RBFOX1: variants seen among roughly 807,000 people sequenced by gnomAD.
The protein encoded by RBFOX1 is RNA binding fox-1 homolog 1.
A neutral mutation model predicts 57.7 loss-of-function variants in RBFOX1; 8 were observed. That is an observed-to-expected ratio of 0.14 (90% CI 0.08 to 0.25). The LOEUF (loss-of-function observed/expected upper bound fraction) is 0.25. RBFOX1 is among the 10% of genes least tolerant of loss of function. The pLI, the probability that RBFOX1 is intolerant of heterozygous loss-of-function variation, is 1.00. For missense variants in RBFOX1, 611 were observed against 548.5 expected (o/e 1.11, Z -1.14); for synonymous variants, 326 against 222.4 (o/e 1.47, Z -4.15).
At chr16:6,702,771 A>G (rs1179591993) in intron 3 of RBFOX1, among the ~76,000 whole-genome samples, 1 of 152,224 alleles carries the variant, frequency 6.6e-6, no homozygotes, top group Non-Finnish European at 1.5e-5. Flanking sequence ...GGTAAAATAG[A>G]CATAACATAA....
intron 4 of RBFOX1, among the ~76,000 whole-genome samples, chr16:5,871,482 C>A (rs2057469343): frequency 6.6e-6 from 1 of 152,138 alleles, no homozygotes; most frequent in Admixed American, 6.5e-5. Flanking sequence ...TAGACTCCTT[C>A]CCCTTCAAAA....
chr16:6,949,830 T>C (rs189363952), intron 3 of RBFOX1, among the ~76,000 whole-genome samples: 3 of 152,160 alleles, frequency 2.0e-5, no homozygotes, highest in Admixed American at 2.0e-4. Context: ...GAGCAGAACA[T>C]CTCTTCACCC....
At chr16:5,757,637 G>C (rs2053447848) in intron 3 of RBFOX1, among the ~76,000 whole-genome samples, 1 of 152,032 alleles carries the variant, frequency 6.6e-6, no homozygotes, top group South Asian at 2.1e-4. Context: ...GTGTAGACGT[G>C]ACCCAGGAGG....
intron 10 of RBFOX1, among the ~76,000 whole-genome samples, chr16:7,624,859 A>C (rs1382263955): frequency 1.3e-5 from 2 of 152,182 alleles, no homozygotes; most frequent in African/African-American, 4.8e-5. Flanking sequence ...AGAAATGCCA[A>C]GGTTGTTGGT....
chr16:6,920,534 C>G (rs2074238740), intron 3 of RBFOX1, among the ~76,000 whole-genome samples: 1 of 152,146 alleles, frequency 6.6e-6, no homozygotes, highest in Non-Finnish European at 1.5e-5. Context: ...TAACAAATGA[C>G]CAGCTAGTGG....
chr16:6,654,146 G>C (rs1031372421), intron 2 of RBFOX1, among the ~76,000 whole-genome samples: 6 of 151,600 alleles, frequency 4.0e-5, no homozygotes, highest in Admixed American at 3.9e-4. Context: ...TGAATGAATG[G>C]AGAGGAGATG....
chr16:6,742,579 A>G (rs936677827), intron 3 of RBFOX1, among the ~76,000 whole-genome samples: 1 of 152,180 alleles, frequency 6.6e-6, no homozygotes, highest in Non-Finnish European at 1.5e-5. Context: ...ACTGGAAACA[A>G]CCAAAATATC....
chr16:6,289,905 A>G (rs2077289880), intron 1 of RBFOX1, among the ~76,000 whole-genome samples: 1 of 151,828 alleles, frequency 6.6e-6, no homozygotes, highest in Non-Finnish European at 1.5e-5. Context: ...GAGGAGGGAG[A>G]GTAGAGAAAT....
At chr16:6,920,724 C>T (rs2074275705) in intron 3 of RBFOX1, among the ~76,000 whole-genome samples, 1 of 152,192 alleles carries the variant, frequency 6.6e-6, no homozygotes, top group Admixed American at 6.5e-5. Flanking sequence ...GGCTGCATCA[C>T]TCCAGTCTTT....
chr16:6,775,763 G>A (rs1477937867), intron 3 of RBFOX1: 1 of 152,146 alleles, frequency 6.6e-6, no homozygotes, highest in Non-Finnish European at 1.5e-5. Context: ...GACAGTGAGA[G>A]GAAGGAACAA....
At chr16:5,964,949 A>T (rs1430345346) in intron 4 of RBFOX1, among the ~76,000 whole-genome samples, 1 of 152,180 alleles carries the variant, frequency 6.6e-6, no homozygotes, top group Non-Finnish European at 1.5e-5. Flanking sequence ...ATGAAATTAT[A>T]TTCAGTCTTA....
At chr16:5,890,682 C>T (rs371304622) in intron 4 of RBFOX1, among the ~76,000 whole-genome samples, 1 of 116,500 alleles carries the variant, frequency 8.6e-6, no homozygotes, top group African/African-American at 3.4e-5. Context: ...GGGTGACAGA[C>T]AGAGAGTCTG....
chr16:5,821,721 G>A (rs9934167), intron 3 of RBFOX1, among the ~76,000 whole-genome samples: 72,824 of 152,000 alleles, frequency 0.48, 17,595 homozygotes, highest in East Asian at 0.69. Flanking sequence ...TAATTTTCTC[G>A]TAGTTCTGGA....
chr16:7,474,858 T>C (rs1365329264), intron 4 of RBFOX1, among the ~76,000 whole-genome samples: 2 of 152,354 alleles, frequency 1.3e-5, no homozygotes, highest in East Asian at 3.9e-4. Context: ...GCTGTTACTG[T>C]GAATGCCATT....
At chr16:5,848,835 G>C (rs1420782573) in intron 3 of RBFOX1, among the ~76,000 whole-genome samples, 1 of 152,060 alleles carries the variant, frequency 6.6e-6, no homozygotes, top group Non-Finnish European at 1.5e-5. Flanking sequence ...TGTAATACTA[G>C]CTCCTTGGGA....
In RBFOX1 at chr16:6,930,749, A is replaced by G. The variant is rs547113918; in HGVS notation, c.-15-121308A>G. ...TAAAATGGGTTTAACATCTTTTTAT[A>G]TGTTTATTGGCCACTTGATCCTCCC... is the stretch of plus-strand genomic sequence containing the variant. On this transcript the variant is annotated intron_variant, in intron 3 of 15. Coordinates refer to ENST00000550418, the MANE Select transcript of RBFOX1 (RefSeq NM_018723.4). Among the ~76,000 whole-genome samples the G allele has an allele frequency of 3.9e-5, 6 of 152,116 alleles. No homozygotes were observed. The East Asian group carries it at 9.7e-4, about 25-fold the overall frequency.
At position 5,737,467 on chromosome 16, in the gene RBFOX1, C is replaced by G. The variant is rs555823309; in HGVS notation, c.319-129836C>G. Among the ~76,000 whole-genome samples the G allele has an allele frequency of 3.3e-5, 5 of 150,058 alleles. No homozygotes were observed. The South Asian group carries it at 6.3e-4, about 19-fold the overall frequency. On this transcript the variant is annotated intron_variant, in intron 3 of 19. Transcript: ENST00000641259. Reference sequence around the variant, plus strand: ...TGCTGCTACACTGCAGCGTGGGCAACAGAGTGAGACTCCATCTCAAAAATA... The same window carrying G: ...TGCTGCTACACTGCAGCGTGGGCAAGAGAGTGAGACTCCATCTCAAAAATA...
chr16:5,491,296 G>A (rs946946177), intron 2 of RBFOX1, among the ~76,000 whole-genome samples: 8 of 152,246 alleles, frequency 5.3e-5, no homozygotes, highest in Middle Eastern at 3.4e-3. Flanking sequence ...CACCCACCTA[G>A]CGACTCGGCA....
At chr16:6,615,123 G>T (rs1482071261) in intron 2 of RBFOX1, among the ~76,000 whole-genome samples, 1 of 152,148 alleles carries the variant, frequency 6.6e-6, no homozygotes, top group East Asian at 1.9e-4. Flanking sequence ...CAAACTCATT[G>T]TATAAAATAC....
Sources: allele counts gnomAD v4.1 joint callset (sites outside exome capture counted in the v4.1 genomes callset), GRCh38; gene constraint gnomAD v4.1.1; transcripts MANE v1.5; gene names NCBI Gene and HGNC (gene_info 2026-07-23, HGNC 2026-07-21).